Variants in ZNF430 observed in about 807,000 individuals in gnomAD.
The protein encoded by ZNF430 is zinc finger protein 430.
Under a neutral mutation model 56.7 loss-of-function variants are expected in ZNF430, and 35 were observed. The observed-to-expected ratio is 0.62, with a 90% CI of 0.47 to 0.82. ZNF430 has a LOEUF of 0.82. Ranked by LOEUF, ZNF430 falls within the 40% of genes least tolerant of loss-of-function variation. ZNF430 has a pLI of 0.00. For missense variants in ZNF430, 574 were observed against 661.0 expected, an observed-to-expected ratio of 0.87 and a Z score of 1.44; for synonymous variants, 212 against 224.3, an observed-to-expected ratio of 0.94 and a Z score of 0.49.
At chr19:21,035,983 C>G (rs972910721) in intron 4 of ZNF430, 7 of 152,020 alleles carry the variant, frequency 4.6e-5, no homozygotes, top group African/African-American at 1.7e-4. Context: ...CAGACAAATT[C>G]TTTTTTAATG....
chr19:21,057,649 T>G lies in ZNF430; in HGVS notation c.1341T>G (p.His447Gln). ...AFNESSNLTA[H>Q]KIIHTGEKPY... ...ATGAGTCCTCAAACCTTACTGCACA[T>G]AAGATAATTCATACTGGAGAGAAAC... The change falls in exon 5 of 5, where the codon CAT (histidine) becomes CAG (glutamine). Residue 447 changes from histidine to glutamine, a missense_variant. Around this residue, in one of 3 missense-constraint regions of ZNF430, gnomAD observed 213 missense variants for 221.0 expected, o/e 0.96. Coordinates refer to ENST00000261560, the MANE Select transcript of ZNF430 (RefSeq NM_025189.4). The G allele has an allele frequency of 6.2e-7, 1 of 1,612,036 alleles. No homozygotes were observed. The highest frequency in any genetic ancestry group is 1.1e-5 in the South Asian group (1 of 90,718).
At chr19:21,052,680 G>T (rs1228644247) in intron 4 of ZNF430, among the ~76,000 whole-genome samples, 1 of 151,936 alleles carries the variant, frequency 6.6e-6, no homozygotes, top group African/African-American at 2.4e-5. Flanking sequence ...CTCTCATTTG[G>T]TTAATATTTG....
chr19:21,033,268 C>T (rs555799749), intron 2 of ZNF430, among the ~76,000 whole-genome samples, 188 bp from the exon 3 acceptor site: 38 of 151,726 alleles, frequency 2.5e-4, no homozygotes, highest in Non-Finnish European at 3.7e-4. Context: ...GCAGGAGAAT[C>T]GCTTGACGCC....
rs371652770 is a variant in ZNF430 at position 21,025,026 on chromosome 19, C to A, written c.96+2145C>A. On this transcript the variant is annotated intron_variant, in intron 2 of 4. Transcript: ENST00000261560. ...AAAAGAAAATGTGCAGAGTTCTTAT[C>A]GGAAAGGGGTCACAATCCACACCCC... Among the ~76,000 whole-genome samples, 11 of 152,032 alleles carry A rather than the reference C, an allele frequency of 7.2e-5. No homozygotes were observed. In the South Asian group the frequency reaches 2.3e-3, roughly 32 times the overall value.
At chr19:21,032,387 A>G (rs144572524) in intron 2 of ZNF430, among the ~76,000 whole-genome samples, 30 of 152,296 alleles carry the variant, frequency 2.0e-4, no homozygotes, top group South Asian at 4.1e-4. Context: ...TTGAGGGGCA[A>G]TATCTTAGCA....
At chr19:21,045,378 G>T (rs59317841) in intron 4 of ZNF430, among the ~76,000 whole-genome samples, 8,986 of 152,230 alleles carry the variant, frequency 0.059, 650 homozygotes, top group African/African-American at 0.18. Flanking sequence ...ATGTACTTGT[G>T]TGGTTTTGAG....
chr19:21,034,336 G>A, intron 4 of ZNF430, 152 bp downstream of exon 4: 1 of 548,026 alleles, frequency 1.8e-6, no homozygotes. Context: ...CTCGCATAGG[G>A]TCATCTTCTG....
Position 21,057,628 on chromosome 19 carries a change from G to A in ZNF430, c.1320G>A (p.Glu440=), listed in dbSNP as rs746400715. ...AACAATGTGGCAAAGCTTTTAATGA[G>A]TCCTCAAACCTTACTGCACATAAGA... The part of the protein sequence containing the change: ...KCEQCGKAFN[E]SSNLTAHKII... The change falls in exon 5 of 5, where the codon GAG becomes GAA. Residue 440 remains glutamate, a synonymous_variant. Transcript: ENST00000261560. The A allele has an allele frequency of 1.9e-6, 3 of 1,609,428 alleles. No homozygotes were observed. In the African/African-American group the frequency reaches 4.1e-5, roughly 22 times the overall value.
At chr19:21,050,385 C>T (rs1289646713) in intron 4 of ZNF430, among the ~76,000 whole-genome samples, 1 of 152,106 alleles carries the variant, frequency 6.6e-6, no homozygotes, top group Non-Finnish European at 1.5e-5. Context: ...ATGTTTAACT[C>T]TGTACAATTT....
chr19:21,053,282 A>T (rs1327146926), intron 4 of ZNF430, among the ~76,000 whole-genome samples: 1 of 151,926 alleles, frequency 6.6e-6, no homozygotes, highest in East Asian at 1.9e-4. Flanking sequence ...GACTCAGTAC[A>T]CTCTGCTTCT....
chr19:21,032,406 G>A (rs10406390), intron 2 of ZNF430, among the ~76,000 whole-genome samples: 7,478 of 152,194 alleles, frequency 0.049, 591 homozygotes, highest in African/African-American at 0.17. Context: ...CAGTGATGCC[G>A]TGTTCTTCTA....
Position 21,056,713 on chromosome 19 carries a change from T to G in ZNF430, c.405T>G (p.Tyr135Ter). The change falls in exon 5 of 5, where the codon TAT becomes TAG. Residue 135 changes from tyrosine (Y) to a stop codon, truncating the protein, a stop_gained. Coordinates refer to ENST00000261560, the MANE Select transcript of ZNF430 (RefSeq NM_025189.4). LOFTEE classifies it high-confidence loss of function. Reference protein sequence around the residue: ...DSFQEVILRRYGKCGHEDLQL... With the variant: ...DSFQEVILRR ...TCCAAGAAGTCATATTGAGAAGATATGGAAAATGTGGACATGAAGATTTAC... is the reference window on the plus strand; with the variant it reads ...TCCAAGAAGTCATATTGAGAAGATAGGGAAAATGTGGACATGAAGATTTAC... 1 of 1,609,252 alleles carries G rather than the reference T, an allele frequency of 6.2e-7. No homozygotes were observed. Among genetic ancestry groups the G allele is most frequent in the Non-Finnish European group, 8.5e-7 (1 of 1,177,472 alleles).
At chr19:21,025,147 G>C (rs1251117621) in intron 2 of ZNF430, among the ~76,000 whole-genome samples, 1 of 152,212 alleles carries the variant, frequency 6.6e-6, no homozygotes, top group Non-Finnish European at 1.5e-5. Flanking sequence ...AGGAATAAAA[G>C]AATGGCTTAC....
rs187234580 is a variant in ZNF430 at position 21,037,444 on chromosome 19, A to G, written c.322+3260A>G. Among the ~76,000 whole-genome samples, 196 of 152,058 alleles carry G rather than the reference A, an allele frequency of 1.3e-3. 1 individual carries two copies. Among genetic ancestry groups the G allele is most frequent in the South Asian group, 4.1e-3 (20 of 4,822 alleles). ...ATTTTGTTTTTTAAGACTGAATAAT[A>G]TTTCGCTCTACACATATGTTACATT... On this transcript the variant is annotated intron_variant, in intron 4 of 4. Coordinates refer to ENST00000261560, the MANE Select transcript of ZNF430 (RefSeq NM_025189.4).
In ZNF430 at chr19:21,058,500, A is replaced by C. The variant is rs1968420189; in HGVS notation, c.*479A>C. 6.1e-6 allele frequency: 1 copy of C among 163,250 alleles called. No homozygotes were observed. The highest frequency in any genetic ancestry group is 1.4e-5 in the Non-Finnish European group (1 of 69,990). The allele number at this position is 163,250 out of a possible 1,614,324, so 10.1% of individuals were successfully genotyped here. ...AAAAGAAACTCTACAAACTTGAAAGATGTGACAGTGCTTTTGACAACACCT... is the reference window on the plus strand; with the variant it reads ...AAAAGAAACTCTACAAACTTGAAAGCTGTGACAGTGCTTTTGACAACACCT... On this transcript the variant is annotated 3_prime_UTR_variant, in exon 5 of 5. Transcript: ENST00000261560.
At chr19:21,039,139 G>A (rs1456783752) in intron 4 of ZNF430, among the ~76,000 whole-genome samples, 4 of 151,852 alleles carry the variant, frequency 2.6e-5, no homozygotes, top group African/African-American at 4.8e-5. Context: ...TAGTAGAGAC[G>A]GGGCTTCACA....
At chr19:21,047,629 C>A in intron 4 of ZNF430, among the ~76,000 whole-genome samples, 1 of 152,242 alleles carries the variant, frequency 6.6e-6, no homozygotes, top group Non-Finnish European at 1.5e-5. Flanking sequence ...CTACTTCAGA[C>A]CCTATTTGCC....
At chr19:21,023,376 T>C (rs1412663601) in intron 2 of ZNF430, among the ~76,000 whole-genome samples, 1 of 152,202 alleles carries the variant, frequency 6.6e-6, no homozygotes, top group African/African-American at 2.4e-5. Context: ...TTAACCTCAG[T>C]TTTTTAGCTG....
intron 4 of ZNF430, among the ~76,000 whole-genome samples, chr19:21,039,963 A>G (rs1968074173): frequency 6.6e-6 from 1 of 152,004 alleles, no homozygotes; most frequent in Non-Finnish European, 1.5e-5. Context: ...CTTCCTCCTA[A>G]GTAGCTGAGA....
Sources: gnomAD v4.1 joint callset for allele counts (sites outside exome capture counted in the v4.1 genomes callset) on GRCh38, gnomAD v4.1.1 for gene constraint, gnomAD v4.1.1 regional missense constraint, MANE v1.5 for transcripts, NCBI Gene and HGNC (gene_info 2026-07-23, HGNC 2026-07-21) for gene names.